ADAMTSL1: variants seen among roughly 807,000 people sequenced by gnomAD.
ADAMTSL1 encodes ADAMTS like 1, also known as ADAMTS-like protein 1.
A neutral mutation model predicts 201.8 loss-of-function variants in ADAMTSL1; 126 were observed. The ratio of observed to expected loss-of-function variants is 0.62; its 90% CI spans 0.54 to 0.72. The LOEUF (loss-of-function observed/expected upper bound fraction) is 0.72. Among genes scored for constraint, ADAMTSL1 ranks in the 30% least tolerant of loss-of-function variants. The probability of loss-of-function intolerance (pLI) is 0.00; values close to 1 mark genes in which losing one functional copy is unlikely to be tolerated. For synonymous variants in ADAMTSL1, 1,121 were observed against 903.4 expected, an observed-to-expected ratio of 1.24 and a Z score of -4.32; for missense variants, 2,679 against 2,277.8, an observed-to-expected ratio of 1.18 and a Z score of -3.59.
At chr9:18,162,123 T>C (rs765205714) in intron 1 of ADAMTSL1, among the ~76,000 whole-genome samples, 9 of 152,048 alleles carry the variant, frequency 5.9e-5, no homozygotes, top group Admixed American at 4.6e-4. Flanking sequence ...AAAATCAAGA[T>C]ATTGGCTGAA....
At chr9:18,731,382 G>A (rs183426755) in intron 15 of ADAMTSL1, among the ~76,000 whole-genome samples, 2 of 152,260 alleles carry the variant, frequency 1.3e-5, no homozygotes. Flanking sequence ...TATAATCCCA[G>A]CACTTTGGGA....
intron 2 of ADAMTSL1, among the ~76,000 whole-genome samples, chr9:18,179,306 C>G (rs376984369): frequency 6.6e-6 from 1 of 151,804 alleles, no homozygotes; most frequent in African/African-American, 2.4e-5. Flanking sequence ...TGAAATGAAG[C>G]GAGAAGGGAA....
intron 19 of ADAMTSL1, among the ~76,000 whole-genome samples, chr9:18,778,320 C>T (rs1466932349): frequency 6.6e-6 from 1 of 152,162 alleles, no homozygotes; most frequent in Non-Finnish European, 1.5e-5. Context: ...GTGTGGTCCC[C>T]CAGGGCTGGG....
chr9:17,915,929 AT>A (rs545044387), intron 1 of ADAMTSL1, among the ~76,000 whole-genome samples: 75 of 147,662 alleles, frequency 5.1e-4, no homozygotes, highest in Middle Eastern at 3.5e-3. Context: ...CTGGCTGTGA[AT>A]TTTTTTTTTT....
intron 23 of ADAMTSL1, among the ~76,000 whole-genome samples, chr9:18,869,485 C>T (rs1691757383): frequency 6.6e-6 from 1 of 152,154 alleles, no homozygotes; most frequent in Admixed American, 6.5e-5. Context: ...ATTTTTATCC[C>T]ATTTTCTAAT....
chr9:18,049,268 T>A (rs1349959948), intron 1 of ADAMTSL1, among the ~76,000 whole-genome samples: 2 of 152,208 alleles, frequency 1.3e-5, no homozygotes, highest in Non-Finnish European at 2.9e-5. Flanking sequence ...ATGTAACTCA[T>A]TACATAGTTA....
intron 2 of ADAMTSL1, among the ~76,000 whole-genome samples, chr9:18,388,999 C>A (rs1009853686): frequency 6.6e-5 from 10 of 152,202 alleles, no homozygotes; most frequent in African/African-American, 2.4e-4. Context: ...TCATGATCCA[C>A]CCTCCTCGGC....
chr9:17,971,839 C>A (rs1311488626), intron 1 of ADAMTSL1, among the ~76,000 whole-genome samples: 1 of 151,838 alleles, frequency 6.6e-6, no homozygotes, highest in Non-Finnish European at 1.5e-5. Flanking sequence ...GGGAAAAAGA[C>A]AACTTAAAGC....
intron 1 of ADAMTSL1, among the ~76,000 whole-genome samples, chr9:18,114,607 T>G (rs1250981208): frequency 1.3e-5 from 2 of 152,120 alleles, no homozygotes; most frequent in African/African-American, 2.4e-5. Context: ...TGCCTTCCTT[T>G]TGGTATTGCT....
In ADAMTSL1 at chr9:18,910,573, T is replaced by C. The variant is rs1830544177; in HGVS notation, c.*2025T>C. The C allele has an allele frequency of 6.6e-6, 1 of 152,232 alleles. No homozygotes were observed. Among genetic ancestry groups the C allele is most frequent in the Non-Finnish European group, 1.5e-5 (1 of 68,050 alleles). 9.4% of individuals were successfully genotyped at this position (152,232 alleles called of 1,614,324 possible). A position where few individuals can be genotyped will look rare whatever the true frequency, so the allele number is the denominator to read the frequency against. On this transcript the variant is annotated 3_prime_UTR_variant, in exon 29 of 29. Transcript: ENST00000380548. ...AAGAGGGAATTCATTTGTGGCATAATAGTTATGCATGGAATGATAAAGACA... is the reference window on the plus strand; with the variant it reads ...AAGAGGGAATTCATTTGTGGCATAACAGTTATGCATGGAATGATAAAGACA...
chr9:18,701,228 TTTTTTTGAGACAGAGTCTCACTCTG>T (rs1831903623), intron 13 of ADAMTSL1, among the ~76,000 whole-genome samples: 2 of 147,160 alleles, frequency 1.4e-5, no homozygotes, highest in Admixed American at 1.4e-4. Flanking sequence ...TTTTTTTTTT[TTTTTTTGAGACAGAGTCTCACTCTG>T]TCACCCAGCA....
intron 1 of ADAMTSL1, among the ~76,000 whole-genome samples, chr9:18,155,727 T>A (rs1030239784): frequency 2.0e-5 from 3 of 151,898 alleles, no homozygotes; most frequent in Admixed American, 6.6e-5. Context: ...CCTAACAGAG[T>A]TACCATCGTT....
At chr9:18,535,382 A>G (rs1314625687) in intron 3 of ADAMTSL1, among the ~76,000 whole-genome samples, 1 of 152,184 alleles carries the variant, frequency 6.6e-6, no homozygotes, top group Non-Finnish European at 1.5e-5. Flanking sequence ...GCCATTCAAC[A>G]AGACTGTAGG....
chr9:18,759,250 C>T (rs1588056546), intron 16 of ADAMTSL1, among the ~76,000 whole-genome samples: 1 of 152,114 alleles, frequency 6.6e-6, no homozygotes, highest in East Asian at 1.9e-4. Flanking sequence ...ATTGAAAATG[C>T]CTGCAGTTCA....
chr9:18,382,421 A>T (rs1837595861), intron 2 of ADAMTSL1, among the ~76,000 whole-genome samples: 1 of 152,162 alleles, frequency 6.6e-6, no homozygotes. Flanking sequence ...CAGGAGAGAT[A>T]ACTCCAAAAT....
At chr9:18,849,295 C>A (rs951668974) in intron 23 of ADAMTSL1, among the ~76,000 whole-genome samples, 1 of 152,160 alleles carries the variant, frequency 6.6e-6, no homozygotes, top group Non-Finnish European at 1.5e-5. Context: ...GTCCCACATA[C>A]CTCCACCCTT....
chr9:18,016,935 G>C (rs1277036828), intron 1 of ADAMTSL1, among the ~76,000 whole-genome samples: 6 of 151,972 alleles, frequency 3.9e-5, no homozygotes, highest in African/African-American at 1.4e-4. Flanking sequence ...AACTGGGGGA[G>C]ATAACACCAT....
Position 18,229,955 on chromosome 9 carries a change from C to T in ADAMTSL1, c.207+65974C>T, listed in dbSNP as rs182840723. On this transcript the variant is annotated intron_variant, in intron 2 of 29. Coordinates refer to the ADAMTSL1 transcript ENST00000680146. ...CAAGCGATCCACTTGCCTCAGCCTCCGTAAGTGCTAGGATTACAGGTGTGT... is the reference window on the plus strand; with the variant it reads ...CAAGCGATCCACTTGCCTCAGCCTCTGTAAGTGCTAGGATTACAGGTGTGT... Among the ~76,000 whole-genome samples, 403 of 152,232 alleles carry T rather than the reference C, an allele frequency of 2.6e-3. 4 individuals are homozygous for T. Among genetic ancestry groups the T allele is most frequent in the African/African-American group, 8.9e-3 (368 of 41,546 alleles).
At chr9:18,052,285 T>A (rs1292420133) in intron 1 of ADAMTSL1, among the ~76,000 whole-genome samples, 2 of 152,244 alleles carry the variant, frequency 1.3e-5, no homozygotes, top group Non-Finnish European at 2.9e-5. Flanking sequence ...CTTTCACACT[T>A]AGGTAAATGC....
Sources: allele counts gnomAD v4.1 joint callset (sites outside exome capture counted in the v4.1 genomes callset), GRCh38; gene constraint gnomAD v4.1.1; transcripts MANE v1.5; gene names NCBI Gene and HGNC (gene_info 2026-07-23, HGNC 2026-07-21).